ANKRD6: variants seen among roughly 807,000 people sequenced by gnomAD.
The protein encoded by ANKRD6 is ankyrin repeat domain 6.
In ANKRD6, 56 loss-of-function variants were observed where a neutral mutation model predicts 82.3. That is an observed-to-expected ratio of 0.68 (90% CI 0.55 to 0.85). The LOEUF is 0.85. Ranked by LOEUF, ANKRD6 falls within the 40% of genes least tolerant of loss-of-function variation. The pLI is 0.00. For synonymous variants in ANKRD6, 347 were observed against 352.1 expected (o/e 0.99, Z 0.16); for missense variants, 852 against 907.6 (o/e 0.94, Z 0.79).
chr6:89,526,492 TGAGCTG>T (rs1163410235), intron 1 of ANKRD6, among the ~76,000 whole-genome samples: 3 of 152,194 alleles, frequency 2.0e-5, no homozygotes, highest in Non-Finnish European at 2.9e-5. Flanking sequence ...AGCCCTGGCC[TGAGCTG>T]GAGAGAGTAC....
chr6:89,562,668 G>A (rs1345624220), intron 1 of ANKRD6: 2 of 152,202 alleles, frequency 1.3e-5, no homozygotes, highest in Admixed American at 1.3e-4. Flanking sequence ...AGACTAGCAA[G>A]CCACAAAACA....
At chr6:89,476,209 G>A (rs1318540939) in intron 1 of ANKRD6, among the ~76,000 whole-genome samples, 1 of 151,332 alleles carries the variant, frequency 6.6e-6, no homozygotes, top group African/African-American at 2.4e-5. Context: ...TTTTTAAGAC[G>A]GATTCTTGCT....
At chr6:89,438,657 T>C (rs538387818) in intron 1 of ANKRD6, among the ~76,000 whole-genome samples, 1 of 152,334 alleles carries the variant, frequency 6.6e-6, no homozygotes, top group East Asian at 1.9e-4. Context: ...CTAACTTTTT[T>C]TTTTAGACAA....
intron 1 of ANKRD6, among the ~76,000 whole-genome samples, chr6:89,461,321 C>A (rs757849037): frequency 6.6e-6 from 1 of 152,138 alleles, no homozygotes; most frequent in African/African-American, 2.4e-5. Flanking sequence ...TTTCAGGTAT[C>A]ATATATGCCT....
chr6:89,455,578 G>A (rs1773404121), intron 1 of ANKRD6, among the ~76,000 whole-genome samples: 1 of 152,074 alleles, frequency 6.6e-6, no homozygotes, highest in Admixed American at 6.6e-5. Context: ...GATCATGGGG[G>A]CAGAGTTCTC....
chr6:89,453,961 C>T (rs895201701), intron 1 of ANKRD6, among the ~76,000 whole-genome samples: 6 of 151,924 alleles, frequency 3.9e-5, no homozygotes, highest in Non-Finnish European at 8.8e-5. Flanking sequence ...GCCACCACGC[C>T]CGGCTAACTT....
intron 2 of ANKRD6, among the ~76,000 whole-genome samples, chr6:89,570,845 A>G (rs1174559100): frequency 6.6e-6 from 1 of 152,190 alleles, no homozygotes; most frequent in Non-Finnish European, 1.5e-5. Context: ...ATATTGCTGT[A>G]TGAACATGGG....
At chr6:89,551,149 G>A (rs1368338541) in intron 1 of ANKRD6, among the ~76,000 whole-genome samples, 1 of 152,192 alleles carries the variant, frequency 6.6e-6, no homozygotes, top group Admixed American at 6.5e-5. Context: ...TGGGCTGGGA[G>A]GCAGTCTTCT....
At position 89,631,916 on chromosome 6, in the gene ANKRD6, C is replaced by T. The variant is rs536795107; in HGVS notation, c.*912C>T. On this transcript the variant is annotated 3_prime_UTR_variant, in exon 16 of 16. Coordinates refer to ENST00000339746, the MANE Select transcript of ANKRD6 (RefSeq NM_001242809.2). The stretch of plus-strand genomic sequence containing the variant: ...ATTTCATTTTGAATTCTGTCATTAA[C>T]CTCAAAAGCTTTCTACTGCTTTGCG... The T allele has an allele frequency of 1.3e-5, 2 of 152,272 alleles. No individual in the cohort carries two copies. The highest frequency in any genetic ancestry group is 4.2e-4 in the South Asian group (2 of 4,812). The allele number at this position is 152,272 out of a possible 1,614,324, so 9.4% of individuals were successfully genotyped here. A position where few individuals can be genotyped will look rare whatever the true frequency, so the allele number is the denominator to read the frequency against.
At chr6:89,481,522 A>G (rs908660140) in intron 1 of ANKRD6, among the ~76,000 whole-genome samples, 1 of 152,246 alleles carries the variant, frequency 6.6e-6, no homozygotes, top group African/African-American at 2.4e-5. Context: ...TCAACCGTAT[A>G]ATCTATTTAG....
chr6:89,589,202 G>T (rs1221558725), intron 2 of ANKRD6, among the ~76,000 whole-genome samples: 1 of 152,086 alleles, frequency 6.6e-6, no homozygotes, highest in Non-Finnish European at 1.5e-5. Flanking sequence ...GCGAGGAGCT[G>T]GGACCCAACC....
intron 1 of ANKRD6, among the ~76,000 whole-genome samples, chr6:89,449,106 C>G (rs1239261821): frequency 6.6e-6 from 1 of 150,848 alleles, no homozygotes; most frequent in Non-Finnish European, 1.5e-5. Context: ...TCTGATGGAT[C>G]TGGGCAAAGT....
At chr6:89,511,298 A>G (rs1394851516) in intron 1 of ANKRD6, among the ~76,000 whole-genome samples, 3 of 152,124 alleles carry the variant, frequency 2.0e-5, no homozygotes, top group Non-Finnish European at 4.4e-5. Flanking sequence ...TCTCAGAGGC[A>G]CACACTGAGG....
At chr6:89,563,592 A>G (rs1424010088) in intron 1 of ANKRD6, among the ~76,000 whole-genome samples, 2 of 152,200 alleles carry the variant, frequency 1.3e-5, no homozygotes, top group Non-Finnish European at 2.9e-5. Context: ...ATGAACTGCT[A>G]CAGCCAAGGT....
At chr6:89,509,476 G>A (rs1461041920) in intron 1 of ANKRD6, among the ~76,000 whole-genome samples, 3 of 152,302 alleles carry the variant, frequency 2.0e-5, no homozygotes, top group African/African-American at 4.8e-5. Context: ...ACTAGTTTAA[G>A]GGTGGGCTAA....
At chr6:89,623,748 G>C in intron 11 of ANKRD6, 124 bp from the exon 12 acceptor site, 1 of 1,261,654 alleles carries the variant, frequency 7.9e-7, no homozygotes, top group Non-Finnish European at 1.1e-6. Flanking sequence ...GCTTGGAGTA[G>C]GACACCATGA....
At chr6:89,555,017 C>T (rs1407938948) in intron 1 of ANKRD6, among the ~76,000 whole-genome samples, 1 of 150,256 alleles carries the variant, frequency 6.7e-6, no homozygotes, top group African/African-American at 2.4e-5. Flanking sequence ...CCGCCTCTCT[C>T]TATCCTCTCC....
intron 1 of ANKRD6, among the ~76,000 whole-genome samples, chr6:89,484,979 A>T (rs1016340751): frequency 1.3e-5 from 2 of 152,110 alleles, no homozygotes; most frequent in African/African-American, 4.8e-5. Flanking sequence ...ATGGTTCTCA[A>T]CTCAGGGGCC....
At chr6:89,601,274 A>T (rs1045699105) in intron 3 of ANKRD6, among the ~76,000 whole-genome samples, 1 of 152,148 alleles carries the variant, frequency 6.6e-6, no homozygotes, top group African/African-American at 2.4e-5. Context: ...GATAACAGGA[A>T]TAATAGTTTA....
Sources: allele counts gnomAD v4.1 joint callset (sites outside exome capture counted in the v4.1 genomes callset), GRCh38; gene constraint gnomAD v4.1.1; transcripts MANE v1.5; gene names NCBI Gene and HGNC (gene_info 2026-07-23, HGNC 2026-07-21).